ZNF638: variants seen among roughly 807,000 people sequenced by gnomAD.
The protein encoded by ZNF638 is CTCL tumor antigen se33-1.
In ZNF638, 46 loss-of-function variants were observed where a neutral mutation model predicts 195.6. The ratio of observed to expected loss-of-function variants is 0.24; its 90% CI spans 0.19 to 0.30. The LOEUF is 0.30. ZNF638 is among the 10% of genes least tolerant of loss of function. ZNF638 has a pLI of 1.00. For synonymous variants in ZNF638, 845 were observed against 772.0 expected (o/e 1.09, Z -1.57); for missense variants, 2,440 against 2,325.3 (o/e 1.05, Z -1.01).
At chr2:71,426,344 C>A (rs2080539146) in intron 23 of ZNF638, 116 bp from the exon 24 acceptor site, 2 of 759,854 alleles carry the variant, frequency 2.6e-6, no homozygotes, top group Non-Finnish European at 4.1e-6. Context: ...TTTAGGAAAA[C>A]TAATTTGCAC....
In ZNF638 at chr2:71,434,728, A is replaced by G; in HGVS notation, c.5872-14A>G. ...GTCTAATAAGTATTTTATATTGCAA[A>G]TTGCTTTTAACAGAAATTCATGGCC... On this transcript the variant is annotated splice_polypyrimidine_tract_variant and intron_variant, in intron 27 of 27. Coordinates refer to ENST00000264447, the MANE Select transcript of ZNF638 (RefSeq NM_014497.5). 6.2e-7 allele frequency: 1 copy of G among 1,611,398 alleles called. No homozygotes were observed. Among genetic ancestry groups the G allele is most frequent in the Non-Finnish European group, 8.5e-7 (1 of 1,178,790 alleles).
chr2:71,403,171 A>T (rs2080040267), intron 16 of ZNF638, among the ~76,000 whole-genome samples: 2 of 152,184 alleles, frequency 1.3e-5, no homozygotes, highest in South Asian at 2.1e-4. Flanking sequence ...TTAAAAACTA[A>T]GAGTATTTGT....
In ZNF638 at chr2:71,400,299, C is replaced by G. The variant is rs2079980833; in HGVS notation, c.2656+119C>G. 4.7e-6 allele frequency: 5 copies of G among 1,057,676 alleles called. No individual in the cohort carries two copies. In the Admixed American group the frequency reaches 9.1e-5, roughly 19 times the overall value. 65.5% of individuals were successfully genotyped at this position (1,057,676 alleles called of 1,614,324 possible). A position where few individuals can be genotyped will look rare whatever the true frequency, so the allele number is the denominator to read the frequency against. On this transcript the variant is annotated intron_variant, in intron 14 of 27. Coordinates refer to ENST00000264447, the MANE Select transcript of ZNF638 (RefSeq NM_014497.5). Reference sequence around the variant, plus strand: ...ATCTCTTAATCTGAAATTTTGATCTCAGAATGAAATTTAAATGTATTTTTT... The same window carrying G: ...ATCTCTTAATCTGAAATTTTGATCTGAGAATGAAATTTAAATGTATTTTTT...
chr2:71,418,887 T>G (rs2419079), intron 21 of ZNF638, among the ~76,000 whole-genome samples: 3 of 151,972 alleles, frequency 2.0e-5, no homozygotes, highest in Non-Finnish European at 4.4e-5. Context: ...TATAAACAGT[T>G]TGAATTAAAT....
chr2:71,417,331 CGGCTCG>C lies in ZNF638; in HGVS notation c.3262-1270_3262-1265del, dbSNP rs1222617205. Among the ~76,000 whole-genome samples the C allele has an allele frequency of 2.0e-5, 3 of 151,002 alleles. No individual in the cohort carries two copies. In the East Asian group the frequency reaches 6.0e-4, roughly 30 times the overall value. On this transcript the variant is annotated intron_variant, in intron 20 of 27. Coordinates refer to ENST00000264447, the MANE Select transcript of ZNF638 (RefSeq NM_014497.5). ...GGTGAGGCAATGCCTCGCCCTGCTT[CGGCTCG>C]CGCACGGTGCGCGCACACACTGACC...
At chr2:71,400,742 C>T (rs375794950) in intron 15 of ZNF638, among the ~76,000 whole-genome samples, 2 of 152,102 alleles carry the variant, frequency 1.3e-5, no homozygotes, top group African/African-American at 4.8e-5. Context: ...AGGAACAGAT[C>T]ATCAACAAAT....
At chr2:71,398,230 T>G (rs1279620897) in intron 11 of ZNF638, among the ~76,000 whole-genome samples, 1 of 152,214 alleles carries the variant, frequency 6.6e-6, no homozygotes, top group East Asian at 1.9e-4. Flanking sequence ...ATATATATAA[T>G]GAAATATCTG....
At chr2:71,387,303 A>G (rs1192561075) in intron 10 of ZNF638, among the ~76,000 whole-genome samples, 2 of 152,194 alleles carry the variant, frequency 1.3e-5, no homozygotes, top group Non-Finnish European at 2.9e-5. Flanking sequence ...AATTTGTATG[A>G]TAATATTTCG....
In ZNF638 at chr2:71,422,856, A is replaced by G. The variant is rs1409908181; in HGVS notation, c.3342A>G (p.Gln1114=). The G allele has an allele frequency of 2.5e-6, 4 of 1,613,890 alleles. No individual in the cohort carries two copies. Among genetic ancestry groups the G allele is most frequent in the South Asian group, 1.1e-5 (1 of 91,046 alleles). ...GTCCAATTGATGAAAGTGAGGTGCA[A>G]ACAGCAACTGATAGTCCCTCTGTTA... is the stretch of plus-strand genomic sequence containing the variant. The part of the protein sequence containing the change: ...KNSPIDESEV[Q]TATDSPSVKP... The change falls in exon 22 of 28, where the codon CAA becomes CAG. Residue 1114 remains glutamine (Q), a synonymous_variant. Coordinates refer to ENST00000264447, the MANE Select transcript of ZNF638 (RefSeq NM_014497.5).
intron 1 of ZNF638, among the ~76,000 whole-genome samples, chr2:71,339,528 G>GGCC (rs1359500053): frequency 1.3e-5 from 2 of 152,292 alleles, no homozygotes; most frequent in East Asian, 3.9e-4. Context: ...GTTACTCCAT[G>GGCC]AAGAAAAGCA....
At chr2:71,434,210 G>C (rs1004427032) in intron 27 of ZNF638, among the ~76,000 whole-genome samples, 2 of 152,036 alleles carry the variant, frequency 1.3e-5, no homozygotes, top group Non-Finnish European at 2.9e-5. Context: ...GGCTCTCTCT[G>C]TTCTGTTTTT....
At chr2:71,355,574 A>G (rs567583298) in intron 2 of ZNF638, 145 bp from the exon 3 acceptor site, 1 of 584,932 alleles carries the variant, frequency 1.7e-6, no homozygotes, top group South Asian at 2.6e-5. Context: ...TTTGTTTGTG[A>G]AAATTTTACT....
At chr2:71,362,885 A>G (rs2079132772) in intron 3 of ZNF638, among the ~76,000 whole-genome samples, 1 of 152,136 alleles carries the variant, frequency 6.6e-6, no homozygotes. Flanking sequence ...CCCTTAACCT[A>G]AGCTCGTATC....
Position 71,370,434 on chromosome 2 carries a change from A to C in ZNF638, c.2265+429A>C, listed in dbSNP as rs1192553588. ...ACATAAACAAAATCGTATAGTGTAC[A>C]TTCTTTGGGCCTTTACTTCCTTAGA... On this transcript the variant is annotated intron_variant, in intron 8 of 27. Coordinates refer to ENST00000264447, the MANE Select transcript of ZNF638 (RefSeq NM_014497.5). 2.6e-5 allele frequency among the ~76,000 whole-genome samples: 4 copies of C among 152,180 alleles called. No homozygotes were observed. The East Asian group carries it at 7.7e-4, about 29-fold the overall frequency.
chr2:71,405,839 G>A (rs917967747), intron 18 of ZNF638, among the ~76,000 whole-genome samples, 197 bp downstream of exon 18: 2 of 150,698 alleles, frequency 1.3e-5, no homozygotes, highest in African/African-American at 2.4e-5. Context: ...AATTTTTCAG[G>A]TACTGGAGTG....
chr2:71,345,749 G>T (rs1278830905), intron 1 of ZNF638, among the ~76,000 whole-genome samples: 1 of 151,936 alleles, frequency 6.6e-6, no homozygotes, highest in East Asian at 1.9e-4. Context: ...AGAGCAGTCG[G>T]CCTGCCTTGG....
chr2:71,369,404 C>CA (rs1175850594), intron 7 of ZNF638, among the ~76,000 whole-genome samples: 1 of 151,664 alleles, frequency 6.6e-6, no homozygotes, highest in Non-Finnish European at 1.5e-5. Context: ...TTTGGGAGGC[C>CA]AAGGCTGGAG....
In ZNF638 at chr2:71,349,148, G is replaced by T. The variant is rs1447187257; in HGVS notation, c.194G>T (p.Gly65Val). Reference sequence around the variant, plus strand: ...GGCCATGAATCTTATCAGAACATGGGGCCACAGAGAATGAATGTTCAGGTA... The same window carrying T: ...GGCCATGAATCTTATCAGAACATGGTGCCACAGAGAATGAATGTTCAGGTA... ...FAGHESYQNM[G>V]PQRMNVQVTQ... Residue 65 changes from glycine (G) to valine (V), a missense_variant, in exon 2 of 28, where the codon GGG becomes GTG. Around this residue, in one of 5 missense-constraint regions of ZNF638, gnomAD observed 191 missense variants for 173.8 expected, o/e 1.10. Coordinates refer to ENST00000264447, the MANE Select transcript of ZNF638 (RefSeq NM_014497.5). The T allele has an allele frequency of 6.2e-7, 1 of 1,613,960 alleles. No individual in the cohort carries two copies. Among genetic ancestry groups the T allele is most frequent in the African/African-American group, 1.3e-5 (1 of 74,862 alleles).
intron 26 of ZNF638, among the ~76,000 whole-genome samples, chr2:71,431,772 A>T (rs1409362506): frequency 2.6e-5 from 4 of 152,214 alleles, no homozygotes; most frequent in Admixed American, 2.0e-4. Context: ...AAAAAAAAAA[A>T]AACAAAAACA....
Sources: gnomAD v4.1 joint callset for allele counts (sites outside exome capture counted in the v4.1 genomes callset) on GRCh38, gnomAD v4.1.1 for gene constraint, gnomAD v4.1.1 regional missense constraint, MANE v1.5 for transcripts, NCBI Gene and HGNC (gene_info 2026-07-23, HGNC 2026-07-21) for gene names.